The following XNDC1N variants were observed in gnomAD, a reference collection of about 807,000 sequenced individuals.
The protein encoded by XNDC1N is XRCC1 N-terminal domain containing 1, N-terminal like.
the XNDC1N span, among the ~76,000 whole-genome samples, chr11:71,897,431 C>T: frequency 3.3e-5 from 5 of 152,164 alleles, no homozygotes; most frequent in Non-Finnish European, 5.9e-5. Flanking sequence ...CGCGAGTAGA[C>T]GTGTCCCTAA....
chr11:71,868,172 A>T, the XNDC1N span, among the ~76,000 whole-genome samples: 1 of 152,126 alleles, frequency 6.6e-6, no homozygotes, highest in Admixed American at 6.5e-5. Context: ...TGAGCCTATG[A>T]GTGATGGGCT....
the XNDC1N span, chr11:71,923,614 G>A: frequency 2.3e-6 from 1 of 443,208 alleles, no homozygotes; most frequent in African/African-American, 2.0e-5. Flanking sequence ...GGAGTGCAGT[G>A]GCGCAATCTT....
At chr11:71,895,475 ATTTTTTTTT>A in the XNDC1N span, among the ~76,000 whole-genome samples, 327 of 98,392 alleles carry the variant, frequency 3.3e-3, no homozygotes, top group African/African-American at 0.011. Flanking sequence ...ATGCCTGGCT[ATTTTTTTTT>A]TTTTTTTTTT....
the XNDC1N span, among the ~76,000 whole-genome samples, chr11:71,922,555 G>A: frequency 6.6e-6 from 1 of 152,114 alleles, no homozygotes; most frequent in Non-Finnish European, 1.5e-5. Flanking sequence ...CTCCTGCCTT[G>A]GGCTCCCAAA....
At chr11:71,903,662 T>C in the XNDC1N span, 318 of 455,526 alleles carry the variant, frequency 7.0e-4, 2 homozygotes, top group African/African-American at 6.1e-3. Flanking sequence ...TTTTTTTTTT[T>C]TCCCTCAGTC....
the XNDC1N span, among the ~76,000 whole-genome samples, chr11:71,898,505 G>A: frequency 6.6e-6 from 1 of 152,104 alleles, no homozygotes; most frequent in Non-Finnish European, 1.5e-5. Context: ...TACTCGGGAG[G>A]CTGAGACACA....
chr11:71,882,388 C>T, the XNDC1N span, among the ~76,000 whole-genome samples: 15 of 152,154 alleles, frequency 9.9e-5, no homozygotes, highest in African/African-American at 2.6e-4. Flanking sequence ...GCCACCACCA[C>T]GCCTGGCTAA....
At chr11:71,896,135 C>T in the XNDC1N span, among the ~76,000 whole-genome samples, 21 of 152,248 alleles carry the variant, frequency 1.4e-4, no homozygotes, top group Non-Finnish European at 2.2e-4. Context: ...AAAAATGAGT[C>T]GGGCGTGGTG....
the XNDC1N span, among the ~76,000 whole-genome samples, chr11:71,926,857 C>A: frequency 6.6e-6 from 1 of 151,814 alleles, no homozygotes; most frequent in East Asian, 1.9e-4. Flanking sequence ...GCCAAGATCA[C>A]CCCTCTGTAC....
At chr11:71,916,284 G>T in the XNDC1N span, 2 of 700,738 alleles carry the variant, frequency 2.9e-6, no homozygotes, top group South Asian at 3.0e-5. Flanking sequence ...AAATCAGGGG[G>T]GAATGGAAAT....
the XNDC1N span, among the ~76,000 whole-genome samples, chr11:71,919,624 T>TG: frequency 1.1e-3 from 67 of 61,002 alleles, no homozygotes; most frequent in African/African-American, 2.7e-3. Context: ...TTTGTTTGTT[T>TG]TTTTTTTTTT....
chr11:71,908,345 G>C, the XNDC1N span, among the ~76,000 whole-genome samples: 1 of 151,510 alleles, frequency 6.6e-6, no homozygotes, highest in African/African-American at 2.4e-5. Context: ...ATCATGTATT[G>C]TTATCTTTAG....
chr11:71,899,599 A>C, the XNDC1N span, among the ~76,000 whole-genome samples: 1 of 152,220 alleles, frequency 6.6e-6, no homozygotes, highest in Admixed American at 6.5e-5. Context: ...CCTTGTTAAC[A>C]AGATGTTTCC....
At chr11:71,869,617 A>G in the XNDC1N span, among the ~76,000 whole-genome samples, 1 of 152,156 alleles carries the variant, frequency 6.6e-6, no homozygotes. Flanking sequence ...GTTCTTTCTT[A>G]AAAGGGCTAT....
chr11:71,912,483 CA>C, the XNDC1N span, among the ~76,000 whole-genome samples: 1 of 152,122 alleles, frequency 6.6e-6, no homozygotes, highest in Non-Finnish European at 1.5e-5. Context: ...CGAGTAATAT[CA>C]TTCTTTTCCT....
At chr11:71,880,036 A>G in the XNDC1N span, among the ~76,000 whole-genome samples, 1 of 152,196 alleles carries the variant, frequency 6.6e-6, no homozygotes, top group Non-Finnish European at 1.5e-5. Flanking sequence ...CAATAAAAAT[A>G]TAAAACACCA....
the XNDC1N span, chr11:71,917,905 G>A: frequency 6.6e-6 from 4 of 607,086 alleles, no homozygotes; most frequent in Non-Finnish European, 1.2e-5. Context: ...GATATGTGGA[G>A]TCCCACAGGG....
chr11:71,916,192 C>T, the XNDC1N span: 27 of 702,736 alleles, frequency 3.8e-5, no homozygotes, highest in Admixed American at 3.8e-4. Context: ...CGTGAAGGGT[C>T]GGGAGCAGGT....
chr11:71,884,533 T>C, the XNDC1N span: 7 of 1,607,758 alleles, frequency 4.4e-6, no homozygotes, highest in African/African-American at 4.0e-5. Context: ...CTGAAGATCA[T>C]TCAAATTGAT....
Sources: gnomAD v4.1 joint callset for allele counts (sites outside exome capture counted in the v4.1 genomes callset) on GRCh38, gnomAD v4.1.1 for gene constraint, MANE v1.5 for transcripts, NCBI Gene and HGNC (gene_info 2026-07-23, HGNC 2026-07-21) for gene names.